The following LYPLAL1 variants were observed in gnomAD, a reference collection of about 807,000 sequenced individuals.
LYPLAL1 encodes the protein lysophospholipase-like protein 1.
LYPLAL1 carries 23 observed loss-of-function variants against 19.7 expected under a neutral mutation model. That is an observed-to-expected ratio of 1.17 (90% CI 0.84 to 1.65). The LOEUF is 1.65. Among genes scored for constraint, LYPLAL1 ranks in the 40% most tolerant of loss-of-function variants. LYPLAL1 has a pLI of 0.00. For synonymous variants in LYPLAL1, 119 were observed against 96.3 expected, an observed-to-expected ratio of 1.24 and a Z score of -1.38; for missense variants, 355 against 279.4, an observed-to-expected ratio of 1.27 and a Z score of -1.93.
At chr1:219,283,434 C>T in the LYPLAL1 span, among the ~76,000 whole-genome samples, 2 of 152,124 alleles carry the variant, frequency 1.3e-5, no homozygotes, top group South Asian at 4.1e-4. Flanking sequence ...AAAGGAGAAG[C>T]AGAGCAGTTT....
chr1:219,347,660 T>C, the LYPLAL1 span, among the ~76,000 whole-genome samples: 1 of 152,218 alleles, frequency 6.6e-6, no homozygotes, highest in Non-Finnish European at 1.5e-5. Context: ...ACATAATTTA[T>C]TTTTTTATTA....
chr1:219,195,934 G>C (rs1000192124), intron 3 of LYPLAL1, among the ~76,000 whole-genome samples: 2 of 152,024 alleles, frequency 1.3e-5, no homozygotes, highest in South Asian at 4.1e-4. Flanking sequence ...GCAGTGTTTG[G>C]TTTTCTGTTC....
the LYPLAL1 span, among the ~76,000 whole-genome samples, chr1:219,389,507 A>G: frequency 6.6e-6 from 1 of 152,218 alleles, no homozygotes; most frequent in Non-Finnish European, 1.5e-5. Context: ...GATTGCCTTT[A>G]TAAATGTAAA....
At chr1:219,189,803 C>T (rs572692878) in intron 2 of LYPLAL1, among the ~76,000 whole-genome samples, 118 of 151,406 alleles carry the variant, frequency 7.8e-4, no homozygotes, top group Non-Finnish European at 1.4e-3. Flanking sequence ...AATTAGAATT[C>T]CAAAAGGATT....
chr1:219,207,494 C>T (rs1046692774), intron 3 of LYPLAL1, among the ~76,000 whole-genome samples: 5 of 151,896 alleles, frequency 3.3e-5, no homozygotes, highest in South Asian at 4.1e-4. Flanking sequence ...AATTAAATCA[C>T]CAAAAACCTA....
At chr1:219,202,497 TC>T (rs1437036889) in intron 3 of LYPLAL1, among the ~76,000 whole-genome samples, 1 of 152,238 alleles carries the variant, frequency 6.6e-6, no homozygotes. Context: ...TTAGTATTTT[TC>T]TACTAGCTTT....
chr1:219,422,475 T>C, the LYPLAL1 span, among the ~76,000 whole-genome samples: 1 of 152,038 alleles, frequency 6.6e-6, no homozygotes, highest in African/African-American at 2.4e-5. Context: ...AGAGAGAGAT[T>C]ATGGCAGGAC....
chr1:219,421,295 G>C, the LYPLAL1 span, among the ~76,000 whole-genome samples: 1 of 152,132 alleles, frequency 6.6e-6, no homozygotes, highest in African/African-American at 2.4e-5. Flanking sequence ...ATCCAATCCA[G>C]TGGCCCATCA....
chr1:219,210,355 A>C, intron 3 of LYPLAL1, 177 bp from the exon 4 acceptor site: 1 of 418,234 alleles, frequency 2.4e-6, no homozygotes, highest in Non-Finnish European at 4.2e-6. Flanking sequence ...CATAGAGGGA[A>C]CAGGGTTATT....
At position 219,179,211 on chromosome 1, in the gene LYPLAL1, A is replaced by G; in HGVS notation, c.156A>G (p.Gln52=). Residue 52 remains glutamine, a synonymous_variant, in exon 2 of 5, where the codon CAA becomes CAG. Coordinates refer to ENST00000366928, the MANE Select transcript of LYPLAL1 (RefSeq NM_138794.5). ...TTTTAAATCAAGATTTAACATTCCA[A>G]CACATAAAAATTATTTATCCAACAG... ...KQVLNQDLTF[Q]HIKIIYPTAP... 1 of 1,612,588 alleles carries G rather than the reference A, an allele frequency of 6.2e-7. No homozygotes were observed. Among genetic ancestry groups the G allele is most frequent in the Non-Finnish European group, 8.5e-7 (1 of 1,179,200 alleles).
the LYPLAL1 span, among the ~76,000 whole-genome samples, chr1:219,334,149 A>C: frequency 6.6e-6 from 1 of 152,018 alleles, no homozygotes; most frequent in East Asian, 1.9e-4. Flanking sequence ...GGTTTTGAAA[A>C]CATTACTATA....
the LYPLAL1 span, among the ~76,000 whole-genome samples, chr1:219,420,397 A>G: frequency 6.6e-6 from 1 of 152,222 alleles, no homozygotes; most frequent in African/African-American, 2.4e-5. Context: ...CTACCTTTTC[A>G]TAATCCTAAG....
At chr1:219,427,147 T>C in the LYPLAL1 span, among the ~76,000 whole-genome samples, 1 of 152,144 alleles carries the variant, frequency 6.6e-6, no homozygotes, top group Non-Finnish European at 1.5e-5. Flanking sequence ...ACATTCTTTG[T>C]CCTATTAGTA....
chr1:219,190,441 AT>A (rs1657064239), intron 2 of LYPLAL1, among the ~76,000 whole-genome samples: 1 of 151,470 alleles, frequency 6.6e-6, no homozygotes, highest in South Asian at 2.1e-4. Context: ...CATGTATGAA[AT>A]TCCCCCAAAA....
At chr1:219,268,289 G>A in the LYPLAL1 span, among the ~76,000 whole-genome samples, 2 of 152,154 alleles carry the variant, frequency 1.3e-5, no homozygotes, top group African/African-American at 4.8e-5. Flanking sequence ...AAATAAGGCG[G>A]TCAAGATTGT....
At chr1:219,362,102 C>A in the LYPLAL1 span, among the ~76,000 whole-genome samples, 1 of 152,116 alleles carries the variant, frequency 6.6e-6, no homozygotes, top group East Asian at 1.9e-4. Flanking sequence ...ACTCCAAGAA[C>A]TTTTACTAAA....
At chr1:219,206,063 T>C (rs1054844640) in intron 3 of LYPLAL1, among the ~76,000 whole-genome samples, 2 of 152,172 alleles carry the variant, frequency 1.3e-5, no homozygotes, top group African/African-American at 4.8e-5. Context: ...CTTTATTGCA[T>C]GTTTAAAGTT....
intron 3 of LYPLAL1, among the ~76,000 whole-genome samples, chr1:219,204,910 T>G (rs1658429364): frequency 6.6e-6 from 1 of 152,044 alleles, no homozygotes; most frequent in Non-Finnish European, 1.5e-5. Context: ...ATGAATAGAT[T>G]TATCAGAATT....
the LYPLAL1 span, among the ~76,000 whole-genome samples, chr1:219,296,646 G>A: frequency 3.9e-5 from 6 of 152,086 alleles, no homozygotes; most frequent in African/African-American, 7.2e-5. Context: ...CTTTTTTAAG[G>A]TCTTGCTTAA....
Sources: allele counts gnomAD v4.1 joint callset (sites outside exome capture counted in the v4.1 genomes callset), GRCh38; gene constraint gnomAD v4.1.1; transcripts MANE v1.5; gene names NCBI Gene and HGNC (gene_info 2026-07-23, HGNC 2026-07-21).